Variants in SDK1 observed in about 807,000 individuals in gnomAD.
SDK1 encodes protein sidekick-1.
In SDK1, 157 loss-of-function variants were observed where a neutral mutation model predicts 245.5. The observed-to-expected ratio is 0.64, with a 90% CI of 0.56 to 0.73. The LOEUF (loss-of-function observed/expected upper bound fraction) is 0.73, where lower values mean the gene tolerates loss of function less well. SDK1 is among the 30% of genes least tolerant of loss of function. SDK1 has a pLI of 0.00. For missense variants in SDK1, 3,583 were observed against 3,002.3 expected, an observed-to-expected ratio of 1.19 and a Z score of -4.52; for synonymous variants, 1,647 against 1,278.5, an observed-to-expected ratio of 1.29 and a Z score of -6.15.
At chr7:4,068,535 C>G (rs1212485599) in intron 20 of SDK1, among the ~76,000 whole-genome samples, 2 of 151,994 alleles carry the variant, frequency 1.3e-5, no homozygotes, top group Non-Finnish European at 2.9e-5. Context: ...TGTCCCCTCC[C>G]CACCCTGCCC....
intron 14 of SDK1, among the ~76,000 whole-genome samples, chr7:3,992,295 C>G (rs1562633873): frequency 2.0e-5 from 3 of 152,182 alleles, no homozygotes; most frequent in Non-Finnish European, 4.4e-5. Flanking sequence ...AGGTGCATCT[C>G]TGGATGGGAG....
chr7:3,432,824 A>T (rs1218212991), intron 1 of SDK1, among the ~76,000 whole-genome samples: 1 of 152,102 alleles, frequency 6.6e-6, no homozygotes. Flanking sequence ...CACAAATAGA[A>T]TTTTTCTTCA....
chr7:4,191,133 G>C (rs1380566161), intron 35 of SDK1, among the ~76,000 whole-genome samples: 2 of 152,140 alleles, frequency 1.3e-5, no homozygotes, highest in African/African-American at 2.4e-5. Context: ...TGGCCCCAGG[G>C]ACTCTGAGGT....
At chr7:3,481,902 C>T (rs191830967) in intron 1 of SDK1, among the ~76,000 whole-genome samples, 1 of 151,966 alleles carries the variant, frequency 6.6e-6, no homozygotes, top group African/African-American at 2.4e-5. Flanking sequence ...CTGACTGATA[C>T]AGTGAGAAAG....
chr7:3,972,356 G>A (rs1312629534), intron 12 of SDK1, among the ~76,000 whole-genome samples: 1 of 152,150 alleles, frequency 6.6e-6, no homozygotes, highest in African/African-American at 2.4e-5. Context: ...TGGGATTCCA[G>A]GAGTGAGCTG....
rs989158559 is a variant in SDK1, at chr7:3,576,400, G to C, written c.299-42680G>C. ...AGATAAGCTGTGTGTTACCTGGTTA[G>C]AGAAAGCCTGTGACTTCCTCAGGGG... On this transcript the variant is annotated intron_variant, in intron 1 of 44. Transcript: ENST00000404826. 3.3e-5 allele frequency among the ~76,000 whole-genome samples: 5 copies of C among 152,092 alleles called. 1 individual carries two copies. Among genetic ancestry groups the C allele is most frequent in the Non-Finnish European group, 4.4e-5 (3 of 67,970 alleles).
At chr7:3,705,665 A>G (rs918491829) in intron 4 of SDK1, among the ~76,000 whole-genome samples, 2 of 151,960 alleles carry the variant, frequency 1.3e-5, no homozygotes, top group African/African-American at 4.8e-5. Context: ...AGGAGTCTTT[A>G]GGGTTTTCTA....
In SDK1 at chr7:3,886,275, A is replaced by AG. The variant is rs960467595; in HGVS notation, c.848-64647dup. 1.5e-3 allele frequency among the ~76,000 whole-genome samples: 232 copies of AG among 152,354 alleles called. 2 individuals carry two copies. Among genetic ancestry groups the AG allele is most frequent in the African/African-American group, 5.5e-3 (227 of 41,592 alleles). Reference sequence around the variant, plus strand: ...ATCTGGTCATTGTGGAAGAAAGCAGAGTGGACTCCAGCCACCAGAGAGAGA... The same window carrying AG: ...ATCTGGTCATTGTGGAAGAAAGCAGAGGTGGACTCCAGCCACCAGAGAGAGA... On this transcript the variant is annotated intron_variant, in intron 5 of 44. Transcript: ENST00000404826.
intron 1 of SDK1, among the ~76,000 whole-genome samples, chr7:3,393,651 G>A (rs1583791761): frequency 6.6e-6 from 1 of 152,246 alleles, no homozygotes; most frequent in Non-Finnish European, 1.5e-5. Flanking sequence ...GCATTCTTCA[G>A]TACTTCAGTT....
chr7:4,118,079 A>G (rs1783826896), intron 25 of SDK1, among the ~76,000 whole-genome samples: 1 of 152,248 alleles, frequency 6.6e-6, no homozygotes, highest in South Asian at 2.1e-4. Flanking sequence ...AAGAAAAAGT[A>G]GATACATTAG....
intron 1 of SDK1, among the ~76,000 whole-genome samples, chr7:3,436,907 C>T (rs902366522): frequency 3.9e-5 from 6 of 152,024 alleles, no homozygotes; most frequent in Admixed American, 2.6e-4. Flanking sequence ...GAAAGTGTAT[C>T]TTTACCTCAT....
At chr7:3,933,201 C>G (rs992679955) in intron 5 of SDK1, among the ~76,000 whole-genome samples, 1 of 147,298 alleles carries the variant, frequency 6.8e-6, no homozygotes, top group Non-Finnish European at 1.5e-5. Flanking sequence ...GCCTTGACCT[C>G]CTGGGCTCAA....
At chr7:4,110,585 A>G in intron 22 of SDK1, 78 bp from the exon 23 acceptor site, 1 of 1,015,648 alleles carries the variant, frequency 9.8e-7, no homozygotes. Flanking sequence ...ACCAGGTACC[A>G]GCAGGTGCAC....
intron 32 of SDK1, among the ~76,000 whole-genome samples, chr7:4,171,091 G>A (rs1217538773): frequency 6.6e-6 from 1 of 152,156 alleles, no homozygotes; most frequent in Non-Finnish European, 1.5e-5. Flanking sequence ...TGTTTTCCTG[G>A]CAAGTTGAGT....
intron 19 of SDK1, among the ~76,000 whole-genome samples, chr7:4,061,469 A>G (rs910667090): frequency 2.3e-4 from 35 of 152,096 alleles, no homozygotes; most frequent in African/African-American, 8.5e-4. Context: ...AATCATTAAA[A>G]AGTCAGGAAA....
At chr7:3,378,822 G>A (rs1175790076) in intron 1 of SDK1, among the ~76,000 whole-genome samples, 1 of 151,850 alleles carries the variant, frequency 6.6e-6, no homozygotes, top group South Asian at 2.1e-4. Context: ...CTGGGGGGCC[G>A]GCGGGGTGGG....
intron 1 of SDK1, among the ~76,000 whole-genome samples, chr7:3,475,466 G>T (rs919908028): frequency 6.6e-6 from 1 of 152,218 alleles, no homozygotes; most frequent in Non-Finnish European, 1.5e-5. Flanking sequence ...TTGGTGCTGC[G>T]ATGACTTGAT....
intron 1 of SDK1, among the ~76,000 whole-genome samples, chr7:3,494,535 A>T (rs1433640565): frequency 6.6e-6 from 1 of 152,188 alleles, no homozygotes; most frequent in East Asian, 1.9e-4. Flanking sequence ...GTGCACAGTG[A>T]TGTTATGTAT....
chr7:4,249,010 T>G (rs1229636000), intron 44 of SDK1, among the ~76,000 whole-genome samples: 1 of 150,734 alleles, frequency 6.6e-6, no homozygotes, highest in African/African-American at 2.5e-5. Flanking sequence ...CATACCTAAA[T>G]ACACACATGC....
Sources: allele counts gnomAD v4.1 joint callset (sites outside exome capture counted in the v4.1 genomes callset), GRCh38; gene constraint gnomAD v4.1.1; transcripts MANE v1.5; gene names NCBI Gene and HGNC (gene_info 2026-07-23, HGNC 2026-07-21).